The following TYK2 variants were observed in gnomAD, a reference collection of about 807,000 sequenced individuals.
TYK2 encodes the protein tyrosine kinase 2, also known as non-receptor tyrosine-protein kinase TYK2.
TYK2 carries 65 observed loss-of-function variants against 130.9 expected under a neutral mutation model. The ratio of observed to expected loss-of-function variants is 0.50; its 90% CI spans 0.41 to 0.61. The LOEUF is 0.61. Among genes scored for constraint, TYK2 ranks in the 20% least tolerant of loss-of-function variants. The pLI, the probability that TYK2 is intolerant of heterozygous loss-of-function variation, is 0.00. For synonymous variants in TYK2, 647 were observed against 658.9 expected (o/e 0.98, Z 0.28); for missense variants, 1,378 against 1,610.7 (o/e 0.86, Z 2.47).
rs377566723 is a variant in TYK2 at position 10,351,031 on chromosome 19, G to C, written c.3429+21C>G. The C allele has an allele frequency of 6.9e-4, 1,108 of 1,614,032 alleles. 2 individuals carry two copies. The highest frequency in any genetic ancestry group is 8.9e-4 in the Non-Finnish European group (1,046 of 1,180,018). Reference sequence around the variant, plus strand: ...TCCACAGCAGGATAGTGGGGTCAGGGAAAGACAAAGGAAGTCTCACCTCAC... The same window carrying C: ...TCCACAGCAGGATAGTGGGGTCAGGCAAAGACAAAGGAAGTCTCACCTCAC... On this transcript the variant is annotated intron_variant, in intron 24 of 24. Coordinates refer to ENST00000525621, the MANE Select transcript of TYK2 (RefSeq NM_003331.5).
intron 5 of TYK2, among the ~76,000 whole-genome samples, chr19:10,367,182 G>A (rs1224762721): frequency 6.6e-6 from 1 of 152,188 alleles, no homozygotes; most frequent in African/African-American, 2.4e-5. Flanking sequence ...TCTAGCCAGA[G>A]AACTCTAATT....
At chr19:10,352,596 G>A (rs774059914) in intron 22 of TYK2, 45 bp from the exon 23 acceptor site, 5 of 973,134 alleles carry the variant, frequency 5.1e-6, no homozygotes, top group Non-Finnish European at 7.9e-6. Context: ...TGCACTGAGG[G>A]CTTGGGGATC....
Position 10,364,619 on chromosome 19 carries a change from G to C in TYK2, c.1362C>G (p.Pro454=), listed in dbSNP as rs374268170. The change falls in exon 9 of 25, where the codon CCC becomes CCG. Residue 454 remains proline (P), a synonymous_variant. Coordinates refer to ENST00000525621, the MANE Select transcript of TYK2 (RefSeq NM_003331.5). This position sits in a 1 kb window ranked among gnomAD's most constrained non-coding sequence, Gnocchi z 4.9. ...VMSIRDGIHG[P]LLEPFVQAKL... is the part of the protein sequence containing the mutation. Reference sequence around the variant, plus strand: ...GCCCCCCACCCAGCACTCACAGCAGGGGTCCGTGGATCCCATCCCGGATGC... The same window carrying C: ...GCCCCCCACCCAGCACTCACAGCAGCGGTCCGTGGATCCCATCCCGGATGC... 4.0e-5 allele frequency: 65 copies of C among 1,613,606 alleles called. No homozygotes were observed. In the Middle Eastern group the frequency reaches 4.9e-4, roughly 12 times the overall value.
rs2042302713 is a variant in TYK2, at chr19:10,379,769, C to G, written c.-175G>C. On this transcript the variant is annotated 5_prime_UTR_variant, in exon 2 of 25. The change abolishes the stop of an existing upstream ORF in the 5' untranslated region. Transcript: ENST00000525621. ...AATATAGTTCCGCATATTACACATT[C>G]AGCACAGACCCTGATTCAGGCACAC... 1 of 152,266 alleles carries G rather than the reference C, an allele frequency of 6.6e-6. No individual in the cohort carries two copies. Among genetic ancestry groups the G allele is most frequent in the Non-Finnish European group, 1.5e-5 (1 of 68,036 alleles). The allele number at this position is 152,266 out of a possible 1,614,324, so 9.4% of individuals were successfully genotyped here.
At position 10,353,266 on chromosome 19, in the gene TYK2, G is replaced by T; in HGVS notation, c.3028-168C>A. ...GTGGCACCAAGCAAAAGGAGGCTGA[G>T]CCAGAAAGCAGGGACGGGGCTAGAC... On this transcript the variant is annotated intron_variant, in intron 21 of 24. Transcript: ENST00000525621. This position sits in a 1 kb window ranked among gnomAD's most constrained non-coding sequence, Gnocchi z 6.9. 1 of 618,768 alleles carries T rather than the reference G, an allele frequency of 1.6e-6. No individual in the cohort carries two copies. The highest frequency in any genetic ancestry group is 2.6e-6 in the Non-Finnish European group (1 of 377,596). 38.3% of individuals were successfully genotyped at this position (618,768 alleles called of 1,614,324 possible).
rs548776050 is a variant in TYK2, at chr19:10,364,502, TA to T, written c.1367+111del. 7,413 of 1,150,588 alleles carry T rather than the reference TA, an allele frequency of 6.4e-3. No homozygotes were observed. The highest frequency in any genetic ancestry group is 7.7e-3 in the Non-Finnish European group (6,325 of 824,344). 71.3% of individuals were successfully genotyped at this position (1,150,588 alleles called of 1,614,324 possible). A position where few individuals can be genotyped will look rare whatever the true frequency, so the allele number is the denominator to read the frequency against. ...GCACTCCAGTTTGGGCGACAAAAAA[TA>T]AAAAAAAAATAAGACGTGCACCTAC... is the stretch of plus-strand genomic sequence containing the variant. On this transcript the variant is annotated intron_variant, in intron 9 of 24. Transcript: ENST00000525621. This position sits in a 1 kb window ranked among gnomAD's most constrained non-coding sequence, Gnocchi z 4.9.
At chr19:10,375,238 C>T (rs1161030491) in intron 3 of TYK2, among the ~76,000 whole-genome samples, 2 of 151,854 alleles carry the variant, frequency 1.3e-5, no homozygotes, top group South Asian at 4.1e-4. Flanking sequence ...GATTACAATG[C>T]CCCCATCCAG....
At position 10,356,921 on chromosome 19, in the gene TYK2, A is replaced by T. The variant is rs1014183393; in HGVS notation, c.2467-203T>A. ...CCAGGACTGGGACCCAGGTCCAGTG[A>T]TTATGCAGAGCTGGAGTGTCACAGT... On this transcript the variant is annotated intron_variant, in intron 17 of 24. Coordinates refer to ENST00000525621, the MANE Select transcript of TYK2 (RefSeq NM_003331.5). 8.0e-6 allele frequency: 5 copies of T among 621,500 alleles called. No homozygotes were observed. In the African/African-American group the frequency reaches 9.1e-5, roughly 11 times the overall value. 38.5% of individuals were successfully genotyped at this position (621,500 alleles called of 1,614,324 possible).
At chr19:10,358,631 T>A (rs1272940199) in intron 15 of TYK2, among the ~76,000 whole-genome samples, 1 of 152,116 alleles carries the variant, frequency 6.6e-6, no homozygotes, top group Admixed American at 6.5e-5. Flanking sequence ...TTTTTTTGTA[T>A]TTTTAGTAGA....
chr19:10,363,203 T>G (rs889934461), intron 9 of TYK2, among the ~76,000 whole-genome samples: 2 of 150,926 alleles, frequency 1.3e-5, no homozygotes, highest in Admixed American at 1.3e-4. Context: ...TTTTTTTTTT[T>G]TTTTGAGACA....
In TYK2 at chr19:10,365,762, T is replaced by C. The variant is rs2041631801; in HGVS notation, c.766A>G (p.Met256Val). The change falls in exon 7 of 25, where the codon ATG becomes GTG. Residue 256 changes from methionine to valine, a missense_variant. Coordinates refer to ENST00000525621, the MANE Select transcript of TYK2 (RefSeq NM_003331.5). ...TCGAGTGTGGCTAGGTATTTGACCA[T>C]GACCATCTGCTGGGAGAGTCGGCCC... ...QPGRLSQQMV[M>V]VKYLATLERL... 1 of 1,612,762 alleles carries C rather than the reference T, an allele frequency of 6.2e-7. No individual in the cohort carries two copies.
At position 10,350,974 on chromosome 19, in the gene TYK2, A is replaced by C; in HGVS notation, c.3430-6T>G. 6.2e-7 allele frequency: 1 copy of C among 1,614,204 alleles called. No homozygotes were observed. Among genetic ancestry groups the C allele is most frequent in the Non-Finnish European group, 8.5e-7 (1 of 1,180,046 alleles). On this transcript the variant is annotated splice_region_variant and splice_polypyrimidine_tract_variant and intron_variant, in intron 24 of 24. Transcript: ENST00000525621. ...TTCTTCATGAGATGATAGACCTAGAAGGAAAAACCAGGGCTGGTGGGGGCT... is the reference window on the plus strand; with the variant it reads ...TTCTTCATGAGATGATAGACCTAGACGGAAAAACCAGGGCTGGTGGGGGCT...
Position 10,353,937 on chromosome 19 carries a change from T to C in TYK2, c.2908+105A>G. 1 of 1,236,482 alleles carries C rather than the reference T, an allele frequency of 8.1e-7. No homozygotes were observed. Among genetic ancestry groups the C allele is most frequent in the South Asian group, 1.2e-5 (1 of 80,446 alleles). The allele number at this position is 1,236,482 out of a possible 1,614,324, so 76.6% of individuals were successfully genotyped here. On this transcript the variant is annotated intron_variant, in intron 20 of 24. Coordinates refer to ENST00000525621, the MANE Select transcript of TYK2 (RefSeq NM_003331.5). This position sits in a 1 kb window ranked among gnomAD's most constrained non-coding sequence, Gnocchi z 6.9. ...AGAACCGCGTACTGCAGCCTGGGGT[T>C]GAGAGTCTCTAATTGGCTAGGCCAG...
Position 10,351,174 on chromosome 19 carries a change from A to C in TYK2, c.3319-12T>G. The C allele has an allele frequency of 6.2e-7, 1 of 1,609,310 alleles. No individual in the cohort carries two copies. Among genetic ancestry groups the C allele is most frequent in the Non-Finnish European group, 8.5e-7 (1 of 1,175,868 alleles). Reference sequence around the variant, plus strand: ...AGCTCAAGGAATTTCTACAGTATAAACAAGACAAGCTCTTTTCAAGAGGCA... The same window carrying C: ...AGCTCAAGGAATTTCTACAGTATAACCAAGACAAGCTCTTTTCAAGAGGCA... On this transcript the variant is annotated splice_polypyrimidine_tract_variant and intron_variant, in intron 23 of 24. Transcript: ENST00000525621.
chr19:10,364,843 G>C lies in TYK2; in HGVS notation c.1209+8C>G. The stretch of plus-strand genomic sequence containing the variant: ...GGGCCCTAGCCCAGCCCCTACCCTG[G>C]GCCTCACCAGGCACTTGTTGTCCTG... On this transcript the variant is annotated splice_region_variant and intron_variant, in intron 8 of 24. Transcript: ENST00000525621. The surrounding 1 kb of genome is among the most constrained non-coding windows in gnomAD (Gnocchi z 4.9). The C allele has an allele frequency of 6.2e-6, 10 of 1,614,016 alleles. No homozygotes were observed. Among genetic ancestry groups the C allele is most frequent in the Non-Finnish European group, 8.5e-6 (10 of 1,180,028 alleles).
chr19:10,356,910 C>T, intron 17 of TYK2, 192 bp from the exon 18 acceptor site: 1 of 638,472 alleles, frequency 1.6e-6, no homozygotes, highest in East Asian at 2.8e-5. Context: ...GACTGGGACC[C>T]AGGTCCAGTG....
At chr19:10,351,561 C>G (rs1405404083) in intron 23 of TYK2, 1 of 274,370 alleles carries the variant, frequency 3.6e-6, no homozygotes, top group Non-Finnish European at 7.2e-6. Flanking sequence ...TCTTACACTT[C>G]TCAGCTGTGT....
chr19:10,375,998 C>G (rs1033974744), intron 3 of TYK2, among the ~76,000 whole-genome samples: 4 of 150,980 alleles, frequency 2.6e-5, no homozygotes, highest in Admixed American at 2.6e-4. Flanking sequence ...GGAGGGAAAG[C>G]CTTTCTTTCT....
intron 3 of TYK2, among the ~76,000 whole-genome samples, chr19:10,372,129 T>A (rs895865320): frequency 6.6e-6 from 1 of 151,634 alleles, no homozygotes; most frequent in African/African-American, 2.4e-5. Context: ...TAGCTGGGAC[T>A]ACAGGCGCCC....
Sources: gnomAD v4.1 joint callset for allele counts (sites outside exome capture counted in the v4.1 genomes callset) on GRCh38, gnomAD v4.1.1 for gene constraint, Gnocchi (gnomAD v3.1) non-coding constraint, MANE v1.5 for transcripts, NCBI Gene and HGNC (gene_info 2026-07-23, HGNC 2026-07-21) for gene names.